The following RAB24 variants were observed in gnomAD, a reference collection of about 807,000 sequenced individuals.
The protein encoded by RAB24 is ras-related protein Rab-24.
In RAB24, 9 loss-of-function variants were observed where a neutral mutation model predicts 31.4. That is an observed-to-expected ratio of 0.29 (90% CI 0.17 to 0.50). RAB24 has a LOEUF of 0.50. RAB24 is among the 20% of genes least tolerant of loss of function. The probability of loss-of-function intolerance (pLI) is 0.98; values close to 1 mark genes in which losing one functional copy is unlikely to be tolerated. For synonymous variants in RAB24, 106 were observed against 94.1 expected (o/e 1.13, Z -0.73); for missense variants, 197 against 265.2 (o/e 0.74, Z 1.79).
In RAB24 at chr5:177,303,160, G is replaced by A. The variant is rs770236060; in HGVS notation, c.117+12C>T. On this transcript the variant is annotated intron_variant, in intron 1 of 7. Transcript: ENST00000303251. The surrounding 1 kb of genome is among the most constrained non-coding windows in gnomAD (Gnocchi z 6.1). Reference sequence around the variant, plus strand: ...CCCGCCCACCGTGCCTGGCCCCTCCGGATGCACTCACGTTCTGATAAGGCC... The same window carrying A: ...CCCGCCCACCGTGCCTGGCCCCTCCAGATGCACTCACGTTCTGATAAGGCC... 1 of 1,610,178 alleles carries A rather than the reference G, an allele frequency of 6.2e-7. No individual in the cohort carries two copies. Among genetic ancestry groups the A allele is most frequent in the African/African-American group, 1.3e-5 (1 of 74,764 alleles).
intron 5 of RAB24, 34 bp downstream of exon 5, chr5:177,302,363 A>C (rs763701033): frequency 4.4e-5 from 71 of 1,605,692 alleles, no homozygotes; most frequent in Admixed American, 3.3e-4. Context: ...ACAGCCACAC[A>C]CCCCCACCCC....
Position 177,303,548 on chromosome 5 carries a change from C to T in RAB24, c.-260G>A. 1.7e-6 allele frequency: 1 copy of T among 573,678 alleles called. No homozygotes were observed. The highest frequency in any genetic ancestry group is 3.1e-6 in the Non-Finnish European group (1 of 320,070). 35.5% of individuals were successfully genotyped at this position (573,678 alleles called of 1,614,324 possible). On this transcript the variant is annotated 5_prime_UTR_variant, in exon 1 of 8. Transcript: ENST00000303251. This position sits in a 1 kb window ranked among gnomAD's most constrained non-coding sequence, Gnocchi z 6.1. ...AGCCTCGGGGCGGCCTGGGAGCGCG[C>T]GGGACAGCGTCCTCAACAGCGCAGC...
chr5:177,302,083 G>A lies in RAB24; in HGVS notation c.484+45C>T, dbSNP rs1465394591. The stretch of plus-strand genomic sequence containing the variant: ...TCTGTGCCCTATTCAGCTTCCTCTG[G>A]TGCCCCTGCATGTTCCTGCTGTGAG... On this transcript the variant is annotated intron_variant, in intron 6 of 7. Coordinates refer to ENST00000303251, the MANE Select transcript of RAB24 (RefSeq NM_001031677.4). 3.1e-6 allele frequency: 5 copies of A among 1,612,080 alleles called. No homozygotes were observed. The Admixed American group carries it at 5.0e-5, about 16-fold the overall frequency.
At position 177,302,759 on chromosome 5, in the gene RAB24, G is replaced by A. The variant is rs1362166921; in HGVS notation, c.258C>T (p.Val86=). 1.4e-6 allele frequency: 2 copies of A among 1,412,118 alleles called. No homozygotes were observed. The highest frequency in any genetic ancestry group is 2.0e-6 in the Non-Finnish European group (2 of 1,014,486). 87.5% of individuals were successfully genotyped at this position (1,412,118 alleles called of 1,614,324 possible). The change falls in exon 3 of 8, where the codon GTC becomes GTT. Residue 86 remains valine (V), a synonymous_variant. Transcript: ENST00000303251. ...IYYRGAKAAI[V]CYDLTDSSSF... ...AACCCCCCCCCCCCTTACCATAGCA[G>A]ACGATGGCAGCCTTGGCACCCCGAT...
At chr5:177,302,020 A>C (rs970675924) in intron 6 of RAB24, 33 bp from the exon 7 acceptor site, 4 of 1,612,778 alleles carry the variant, frequency 2.5e-6, no homozygotes, top group Non-Finnish European at 3.4e-6. Context: ...GCGAGGGCCC[A>C]ATGCCAGTAG....
At position 177,303,328 on chromosome 5, in the gene RAB24, G is replaced by A. The variant is rs760194550; in HGVS notation, c.-40C>T. 12 of 1,597,858 alleles carry A rather than the reference G, an allele frequency of 7.5e-6. No homozygotes were observed. The highest frequency in any genetic ancestry group is 1.0e-5 in the Non-Finnish European group (12 of 1,166,918). The stretch of plus-strand genomic sequence containing the variant: ...TTCAGCCACGTCAGGGTCCTGAGCG[G>A]GGACGGGAGGCAAACCCCGATCTCC... On this transcript the variant is annotated 5_prime_UTR_variant, in exon 1 of 8. Coordinates refer to ENST00000303251, the MANE Select transcript of RAB24 (RefSeq NM_001031677.4). The surrounding 1 kb of genome is among the most constrained non-coding windows in gnomAD (Gnocchi z 6.1).
Position 177,302,631 on chromosome 5 carries a change from GCTGT to G in RAB24, c.275_278del (p.Asp92AlafsTer11). Reference sequence around the variant, plus strand: ...AGAACTTTGCTCGCTCAAAGCTGCTGCTGTCTGTGAGGTCTTGGTGTGCGGCATG... The same window carrying G: ...AGAACTTTGCTCGCTCAAAGCTGCTGCTGTGAGGTCTTGGTGTGCGGCATG... On this transcript the variant is annotated frameshift_variant, in exon 4 of 8. Coordinates refer to ENST00000303251, the MANE Select transcript of RAB24 (RefSeq NM_001031677.4). LOFTEE classifies it high-confidence loss of function. 6.2e-7 allele frequency: 1 copy of G among 1,614,124 alleles called. No homozygotes were observed. Among genetic ancestry groups the G allele is most frequent in the Non-Finnish European group, 8.5e-7 (1 of 1,180,032 alleles).
At chr5:177,301,854 G>A (rs1195074777) in intron 7 of RAB24, 47 bp from the exon 8 acceptor site, 1 of 1,613,216 alleles carries the variant, frequency 6.2e-7, no homozygotes. Flanking sequence ...GTTGGGATCA[G>A]GTAACTCAGG....
chr5:177,301,689 G>GT lies in RAB24; in HGVS notation c.*53dup, dbSNP rs970769422. On this transcript the variant is annotated 3_prime_UTR_variant, in exon 8 of 8. Coordinates refer to ENST00000303251, the MANE Select transcript of RAB24 (RefSeq NM_001031677.4). Reference sequence around the variant, plus strand: ...CTACCCAAGCCCAGAAAGGAGCTGGGTCCAGCCCTTACGGGGAATTCCTTT... The same window carrying GT: ...CTACCCAAGCCCAGAAAGGAGCTGGGTTCCAGCCCTTACGGGGAATTCCTTT... 5.6e-6 allele frequency: 9 copies of GT among 1,596,964 alleles called. No individual in the cohort carries two copies. Among genetic ancestry groups the GT allele is most frequent in the Admixed American group, 3.3e-5 (2 of 59,970 alleles).
intron 3 of RAB24, 41 bp downstream of exon 3, chr5:177,302,711 A>G: frequency 1.2e-6 from 2 of 1,609,302 alleles, no homozygotes; most frequent in East Asian, 4.5e-5. Context: ...CCTGGCACCC[A>G]TCTTTTCTTG....
chr5:177,302,357 C>A (rs775183188), intron 5 of RAB24, 40 bp downstream of exon 5: 2 of 1,606,472 alleles, frequency 1.2e-6, no homozygotes, highest in Middle Eastern at 1.7e-4. Context: ...ACCCAGACAG[C>A]CACACACCCC....
Position 177,302,163 on chromosome 5 carries a change from A to C in RAB24, c.449T>G (p.Leu150Arg), listed in dbSNP as rs753883033. ...QDYADNIKAQ[L>R]FETSSKTGQS... ...GCCTGTCTTGCTGGATGTTTCAAAGAGCTGAGCTTTGATATCTGTAAAGAG... is the reference window on the plus strand; with the variant it reads ...GCCTGTCTTGCTGGATGTTTCAAAGCGCTGAGCTTTGATATCTGTAAAGAG... The change falls in exon 6 of 8, where the codon CTC becomes CGC. Residue 150 changes from leucine to arginine, a missense_variant. Transcript: ENST00000303251. 3 of 1,614,158 alleles carry C rather than the reference A, an allele frequency of 1.9e-6. No homozygotes were observed. The South Asian group carries it at 3.3e-5, about 18-fold the overall frequency.
In RAB24 at chr5:177,303,225, T is replaced by TAA. The variant is rs1760746136; in HGVS notation, c.63_64insTT (p.Ser22LeufsTer29). ...TCGTGCACGTAGCGCTCCACCAGGC[T>TAA]AGTCTTGCCCACGTACTCCTTGCCC... is the stretch of plus-strand genomic sequence containing the variant. On this transcript the variant is annotated frameshift_variant, in exon 1 of 8. Transcript: ENST00000303251. LOFTEE classifies it high-confidence loss of function. The surrounding 1 kb of genome is among the most constrained non-coding windows in gnomAD (Gnocchi z 6.1). 1.2e-6 allele frequency: 2 copies of TAA among 1,613,618 alleles called. No homozygotes were observed. Among genetic ancestry groups the TAA allele is most frequent in the Non-Finnish European group, 1.7e-6 (2 of 1,180,016 alleles).
Position 177,301,787 on chromosome 5 carries a change from C to T in RAB24, c.568G>A (p.Gly190Ser). The T allele has an allele frequency of 6.2e-7, 1 of 1,614,202 alleles. No individual in the cohort carries two copies. The highest frequency in any genetic ancestry group is 8.5e-7 in the Non-Finnish European group (1 of 1,180,030). Residue 190 changes from glycine to serine, a missense_variant, in exon 8 of 8, where the codon GGC becomes AGC. Physicochemically the swap from Gly to Ser is moderately conservative, Grantham distance 56. Around this residue, in one of 2 missense-constraint regions of RAB24, gnomAD observed 148 missense variants for 159.7 expected, o/e 0.93. Transcript: ENST00000303251. ...VMTEDKGVDLGQKPNPYFYSC... is the reference protein window; with the variant it reads ...VMTEDKGVDLSQKPNPYFYSC... ...TAGAAGTAGGGGTTTGGCTTCTGGC[C>T]CAGATCCACGCCCTTGTCCTCTGTC...
In RAB24 at chr5:177,303,647, C is replaced by A; in HGVS notation, c.-359G>T. 1 of 410,456 alleles carries A rather than the reference C, an allele frequency of 2.4e-6. No homozygotes were observed. The allele number at this position is 410,456 out of a possible 1,614,324, so 25.4% of individuals were successfully genotyped here. On this transcript the variant is annotated 5_prime_UTR_variant, in exon 1 of 8. Coordinates refer to ENST00000303251, the MANE Select transcript of RAB24 (RefSeq NM_001031677.4). The surrounding 1 kb of genome is among the most constrained non-coding windows in gnomAD (Gnocchi z 6.1). ...TAAGCTCCGTTCTGGCTGGGAATCCCAACCGAACCTGGGGTCTCCCGCAAC... is the reference window on the plus strand; with the variant it reads ...TAAGCTCCGTTCTGGCTGGGAATCCAAACCGAACCTGGGGTCTCCCGCAAC...
chr5:177,301,893 T>G, intron 7 of RAB24, 32 bp downstream of exon 7: 1 of 1,613,072 alleles, frequency 6.2e-7, no homozygotes, highest in Non-Finnish European at 8.5e-7. Flanking sequence ...GGGCCTAGAG[T>G]AAGTCTCCAT....
chr5:177,301,625 T>G lies in RAB24; in HGVS notation c.*118A>C. On this transcript the variant is annotated 3_prime_UTR_variant, in exon 8 of 8. Coordinates refer to ENST00000303251, the MANE Select transcript of RAB24 (RefSeq NM_001031677.4). ...ATGGGCCAGCACAGGCAGGCGCCAC[T>G]CTGCTGACATGAGGACCTGGGGTAG... 2 of 1,181,664 alleles carry G rather than the reference T, an allele frequency of 1.7e-6. No individual in the cohort carries two copies. The highest frequency in any genetic ancestry group is 2.5e-6 in the Non-Finnish European group (2 of 809,284). The allele number at this position is 1,181,664 out of a possible 1,614,324, so 73.2% of individuals were successfully genotyped here.
At chr5:177,302,317 A>G in intron 5 of RAB24, 80 bp downstream of exon 5, 1 of 1,570,824 alleles carries the variant, frequency 6.4e-7, no homozygotes. Context: ...TTGCCCTGGC[A>G]GCCAAGGCAG....
At chr5:177,302,252 GGGAGTCTCCTGGACCCCACAGTTCAA>G in intron 5 of RAB24, 74 bp from the exon 6 acceptor site, 2 of 1,585,612 alleles carry the variant, frequency 1.3e-6, no homozygotes, top group Non-Finnish European at 1.7e-6. Context: ...TAGCAGTTCA[GGGAGTCTCCTGGACCCCACAGTTCAA>G]GGAGGCCAGG....
Sources: allele counts gnomAD v4.1 joint callset, GRCh38; gene constraint gnomAD v4.1.1; regional missense constraint gnomAD v4.1.1; non-coding constraint Gnocchi (gnomAD v3.1); transcripts MANE v1.5; gene names NCBI Gene and HGNC (gene_info 2026-07-23, HGNC 2026-07-21).